Variants in TBC1D8 observed in about 807,000 individuals in gnomAD.
TBC1D8 encodes TBC1 domain family member 8, also known as BUB2-like protein 1.
Under a neutral mutation model 118.8 loss-of-function variants are expected in TBC1D8, and 65 were observed. The ratio of observed to expected loss-of-function variants is 0.55; its 90% CI spans 0.45 to 0.67. The LOEUF (loss-of-function observed/expected upper bound fraction) is 0.67, where lower values mean the gene tolerates loss of function less well. TBC1D8 is among the 30% of genes least tolerant of loss of function. The pLI, the probability that TBC1D8 is intolerant of heterozygous loss-of-function variation, is 0.00. For missense variants in TBC1D8, 1,376 were observed against 1,471.2 expected (o/e 0.94, Z 1.06); for synonymous variants, 566 against 595.8 (o/e 0.95, Z 0.73).
chr2:101,131,019 G>A (rs1233346816), intron 1 of TBC1D8, among the ~76,000 whole-genome samples: 2 of 152,132 alleles, frequency 1.3e-5, no homozygotes, highest in African/African-American at 2.4e-5. Context: ...GCCCTGCTGG[G>A]TGTGGCACCC....
rs371278960 is a variant in TBC1D8, at chr2:101,090,332, C to T, written c.160G>A (p.Asp54Asn). ...RLVGALDAVLDSNARVAPFRI... is the reference protein window; with the variant it reads ...RLVGALDAVLNSNARVAPFRI... ...AATGGAGCGACCCGTGCATTGGAAT[C>T]CAACACTGCATCCAGAGCGCCGACC... The change falls in exon 2 of 20, where the codon GAT (aspartate) becomes AAT (asparagine). Residue 54 changes from aspartate to asparagine, a missense_variant. Coordinates refer to ENST00000409318, the MANE Select transcript of TBC1D8 (RefSeq NM_001330348.2). 2 of 1,613,898 alleles carry T rather than the reference C, an allele frequency of 1.2e-6. No homozygotes were observed. The highest frequency in any genetic ancestry group is 2.2e-5 in the South Asian group (2 of 91,088).
Position 101,007,311 on chromosome 2 carries a change from A to G in TBC1D8, c.*510T>C, listed in dbSNP as rs1435797716. 2 of 153,592 alleles carry G rather than the reference A, an allele frequency of 1.3e-5. No homozygotes were observed. Among genetic ancestry groups the G allele is most frequent in the Non-Finnish European group, 2.9e-5 (2 of 69,006 alleles). 9.5% of individuals were successfully genotyped at this position (153,592 alleles called of 1,614,324 possible). A position where few individuals can be genotyped will look rare whatever the true frequency, so the allele number is the denominator to read the frequency against. ...TACACAACAACATTTTTGGAAGGAC[A>G]TATAAAGTGAATACAACCAAATATA... On this transcript the variant is annotated 3_prime_UTR_variant, in exon 20 of 20. Coordinates refer to ENST00000409318, the MANE Select transcript of TBC1D8 (RefSeq NM_001330348.2).
intron 1 of TBC1D8, among the ~76,000 whole-genome samples, chr2:101,102,543 A>AC (rs1440126019): frequency 9.9e-5 from 15 of 152,196 alleles, no homozygotes; most frequent in Non-Finnish European, 1.9e-4. Context: ...AAACCAAAAA[A>AC]AAAACAACAA....
chr2:101,150,279 G>A (rs566168913), intron 1 of TBC1D8, among the ~76,000 whole-genome samples: 4 of 152,208 alleles, frequency 2.6e-5, no homozygotes, highest in Admixed American at 2.0e-4. Context: ...CTCCTCAGTA[G>A]AACAGGAACA....
chr2:101,123,289 A>G (rs937285509), intron 1 of TBC1D8, among the ~76,000 whole-genome samples: 1 of 152,128 alleles, frequency 6.6e-6, no homozygotes, highest in African/African-American at 2.4e-5. Flanking sequence ...CAACAGGGAT[A>G]ATTGGACTTG....
chr2:101,034,253 CATAAT>C (rs1055685322), intron 9 of TBC1D8, among the ~76,000 whole-genome samples: 3 of 152,154 alleles, frequency 2.0e-5, no homozygotes, highest in African/African-American at 7.2e-5. Flanking sequence ...GGAGAAAACT[CATAAT>C]AGAAATAACT....
rs116393779 is a variant in TBC1D8, at chr2:101,102,440, C to T, written c.128-12076G>A. Among the ~76,000 whole-genome samples the T allele has an allele frequency of 4.2e-3, 623 of 148,864 alleles. 1 individual carries two copies. Among genetic ancestry groups the T allele is most frequent in the Non-Finnish European group, 5.1e-3 (342 of 67,654 alleles). On this transcript the variant is annotated intron_variant, in intron 1 of 19. Transcript: ENST00000409318. ...CTGCACTCCAGCTTAGGTGACAGAG[C>T]GAGATTCCATAAAAAGTTAAAAAAA...
intron 1 of TBC1D8, among the ~76,000 whole-genome samples, chr2:101,150,525 G>A (rs1679510795): frequency 2.0e-5 from 3 of 152,108 alleles, no homozygotes; most frequent in Admixed American, 2.0e-4. Context: ...ATCATTCCTT[G>A]TAAGACACTG....
intron 1 of TBC1D8, among the ~76,000 whole-genome samples, chr2:101,134,887 T>C (rs1476705028): frequency 6.6e-6 from 1 of 152,098 alleles, no homozygotes; most frequent in African/African-American, 2.4e-5. Context: ...GAAAAAGCCA[T>C]ATTTGGCCGG....
intron 2 of TBC1D8, among the ~76,000 whole-genome samples, chr2:101,060,105 G>C (rs932294365): frequency 6.6e-6 from 1 of 152,218 alleles, no homozygotes; most frequent in African/African-American, 2.4e-5. Context: ...TTACCGCTGG[G>C]ACTGTTCTAT....
intron 1 of TBC1D8, among the ~76,000 whole-genome samples, chr2:101,119,788 G>C (rs1305909332): frequency 6.6e-6 from 1 of 152,224 alleles, no homozygotes; most frequent in Non-Finnish European, 1.5e-5. Context: ...AAATTACAGA[G>C]AAGCAGAAGG....
chr2:101,028,045 C>G lies in TBC1D8; in HGVS notation c.2451+3G>C. 3.1e-6 allele frequency: 5 copies of G among 1,613,992 alleles called. No homozygotes were observed. In the South Asian group the frequency reaches 5.5e-5, roughly 18 times the overall value. On this transcript the variant is annotated splice_donor_region_variant and intron_variant, in intron 14 of 19. Coordinates refer to ENST00000409318, the MANE Select transcript of TBC1D8 (RefSeq NM_001330348.2). ...TCACCGGGGTGAGGCGTCTGCTACCCACCACGTTCTGCTTTGTGGTGTCCT... is the reference window on the plus strand; with the variant it reads ...TCACCGGGGTGAGGCGTCTGCTACCGACCACGTTCTGCTTTGTGGTGTCCT...
intron 11 of TBC1D8, chr2:101,030,064 A>C (rs1483018884): frequency 2.3e-5 from 6 of 266,000 alleles, no homozygotes; most frequent in Non-Finnish European, 4.3e-5. Context: ...TATATCTGAA[A>C]TAGACCATAG....
At position 101,007,682 on chromosome 2, in the gene TBC1D8, C is replaced by T. The variant is rs1396853666; in HGVS notation, c.*139G>A. ...TTGAGGGTTGTGTCGGTTCCCCTGGCCACAGTTTGTCAGGTTGTTTAGCCA... is the reference window on the plus strand; with the variant it reads ...TTGAGGGTTGTGTCGGTTCCCCTGGTCACAGTTTGTCAGGTTGTTTAGCCA... On this transcript the variant is annotated 3_prime_UTR_variant, in exon 20 of 20. Coordinates refer to ENST00000409318, the MANE Select transcript of TBC1D8 (RefSeq NM_001330348.2). The T allele has an allele frequency of 1.2e-6, 1 of 862,116 alleles. No individual in the cohort carries two copies. The highest frequency in any genetic ancestry group is 1.8e-6 in the Non-Finnish European group (1 of 552,590). 53.4% of individuals were successfully genotyped at this position (862,116 alleles called of 1,614,324 possible). A position where few individuals can be genotyped will look rare whatever the true frequency, so the allele number is the denominator to read the frequency against.
chr2:101,111,518 T>C (rs1197460992), intron 1 of TBC1D8, among the ~76,000 whole-genome samples: 1 of 152,216 alleles, frequency 6.6e-6, no homozygotes, highest in African/African-American at 2.4e-5. Flanking sequence ...GGAGGGATGC[T>C]GGCCCTCGTT....
chr2:101,040,352 G>A lies in TBC1D8; in HGVS notation c.906C>T (p.Phe302=). ...TCCTCGGCAACCTGAAGAAAGCCCG[G>A]AAGAACTCATTCTGTGCTCTGGCTT... ...DLEARAQNEF[F]RAFFRLPRKE... Residue 302 remains phenylalanine, a synonymous_variant, in exon 6 of 20, where the codon TTC becomes TTT. Coordinates refer to ENST00000409318, the MANE Select transcript of TBC1D8 (RefSeq NM_001330348.2). 6.2e-7 allele frequency: 1 copy of A among 1,609,382 alleles called. No individual in the cohort carries two copies. The highest frequency in any genetic ancestry group is 8.5e-7 in the Non-Finnish European group (1 of 1,177,532).
rs142664911 is a variant in TBC1D8, at chr2:101,116,213, A to G, written c.128-25849T>C. On this transcript the variant is annotated intron_variant, in intron 1 of 19. Transcript: ENST00000409318. ...TTAGTATTTGACTGGTTGCCCACAGATGCATAATGTCCACAAGGGCCCTGA... is the reference window on the plus strand; with the variant it reads ...TTAGTATTTGACTGGTTGCCCACAGGTGCATAATGTCCACAAGGGCCCTGA... Among the ~76,000 whole-genome samples, 953 of 152,274 alleles carry G rather than the reference A, an allele frequency of 6.3e-3. 5 individuals carry two copies. Among genetic ancestry groups the G allele is most frequent in the Non-Finnish European group, 0.01 (709 of 68,018 alleles).
At position 101,033,744 on chromosome 2, in the gene TBC1D8, G is replaced by A. The variant is rs776533987; in HGVS notation, c.1618C>T (p.Leu540Phe). The change falls in exon 10 of 20, where the codon CTT becomes TTT. Residue 540 changes from leucine to phenylalanine, a missense_variant. Transcript: ENST00000409318. Reference protein sequence around the residue: ...WLLFSDAVTDLASHPGYYGNL... With the variant: ...WLLFSDAVTDFASHPGYYGNL... ...CCGTAGTAACCAGGGTGTGAGGCAA[G>A]ATCCGTCACCGCATCTGAGTTTTAA... 4.3e-6 allele frequency: 7 copies of A among 1,612,854 alleles called. 1 individual carries two copies. In the South Asian group the frequency reaches 4.4e-5, roughly 10 times the overall value.
chr2:101,144,415 C>A (rs1193849639), intron 1 of TBC1D8, among the ~76,000 whole-genome samples: 1 of 152,042 alleles, frequency 6.6e-6, no homozygotes, highest in Non-Finnish European at 1.5e-5. Flanking sequence ...GAGGAGACAG[C>A]CATGAGGGGC....
Sources: gnomAD v4.1 joint callset for allele counts (sites outside exome capture counted in the v4.1 genomes callset) on GRCh38, gnomAD v4.1.1 for gene constraint, MANE v1.5 for transcripts, NCBI Gene and HGNC (gene_info 2026-07-23, HGNC 2026-07-21) for gene names.